The following WDPCP variants were observed in gnomAD, a reference collection of about 807,000 sequenced individuals.
WDPCP encodes WD repeat containing planar cell polarity effector, also known as WD repeat-containing and planar cell polarity effector protein fritz homolog.
In WDPCP, 71 loss-of-function variants were observed where a neutral mutation model predicts 93.1. The ratio of observed to expected loss-of-function variants is 0.76; its 90% CI spans 0.63 to 0.93. The LOEUF (loss-of-function observed/expected upper bound fraction) is 0.93, where lower values mean the gene tolerates loss of function less well. Ranked by LOEUF, WDPCP falls within the 40% of genes least tolerant of loss-of-function variation. The pLI, the probability that WDPCP is intolerant of heterozygous loss-of-function variation, is 0.00. For synonymous variants in WDPCP, 315 were observed against 315.0 expected, an observed-to-expected ratio of 1.00 and a Z score of 0.00; for missense variants, 844 against 887.4, an observed-to-expected ratio of 0.95 and a Z score of 0.62.
intron 2 of WDPCP, among the ~76,000 whole-genome samples, chr2:63,671,575 T>A (rs1028147016): frequency 6.6e-6 from 1 of 151,544 alleles, no homozygotes; most frequent in African/African-American, 2.4e-5. Flanking sequence ...TGACACGGAG[T>A]CTCACTCTGT....
chr2:63,242,979 C>A (rs181379332), intron 14 of WDPCP, among the ~76,000 whole-genome samples: 155 of 152,208 alleles, frequency 1.0e-3, no homozygotes, highest in African/African-American at 3.7e-3. Context: ...GCATGCCTTA[C>A]CAGTCCTGGA....
At chr2:63,299,482 A>G (rs951014649) in intron 13 of WDPCP, among the ~76,000 whole-genome samples, 1 of 152,182 alleles carries the variant, frequency 6.6e-6, no homozygotes, top group Admixed American at 6.5e-5. Flanking sequence ...CAGTTGTAAC[A>G]TAAGTGACAG....
intron 3 of WDPCP, among the ~76,000 whole-genome samples, chr2:63,487,038 T>C (rs1295043087): frequency 6.6e-6 from 1 of 152,048 alleles, no homozygotes; most frequent in Non-Finnish European, 1.5e-5. Flanking sequence ...ATAAAACTTC[T>C]GGGATTAGCA....
At position 63,484,597 on chromosome 2, in the gene WDPCP, A is replaced by C. The variant is rs1700453144; in HGVS notation, c.384+7T>G. 1 of 1,612,660 alleles carries C rather than the reference A, an allele frequency of 6.2e-7. No individual in the cohort carries two copies. On this transcript the variant is annotated splice_region_variant and intron_variant, in intron 6 of 17. Transcript: ENST00000272321. ...AAACACTGCAAAGGCTTGTCAAATC[A>C]TTTTACCTGACAGACATATTTGTTC...
chr2:63,786,977 G>A (rs1670476198), intron 2 of WDPCP, among the ~76,000 whole-genome samples: 1 of 152,156 alleles, frequency 6.6e-6, no homozygotes, highest in Admixed American at 6.6e-5. Context: ...ACGAATGACT[G>A]AGACAATATG....
chr2:63,123,061 A>C (rs1454535299), intron 17 of WDPCP, among the ~76,000 whole-genome samples: 1 of 151,822 alleles, frequency 6.6e-6, no homozygotes, highest in African/African-American at 2.4e-5. Context: ...AAAAAAAAAA[A>C]ACCTGGAAAA....
intron 14 of WDPCP, among the ~76,000 whole-genome samples, chr2:63,247,520 A>G (rs975054580): frequency 1.3e-5 from 2 of 152,174 alleles, no homozygotes; most frequent in African/African-American, 4.8e-5. Flanking sequence ...TTTACATTCC[A>G]TTGGTTCAAT....
chr2:63,405,403 T>C (rs919722648), intron 9 of WDPCP, among the ~76,000 whole-genome samples: 1 of 152,028 alleles, frequency 6.6e-6, no homozygotes, highest in African/African-American at 2.4e-5. Context: ...CACTTATAGG[T>C]GGATGTTTTT....
At chr2:63,544,291 C>G (rs1558784320) in intron 1 of WDPCP, among the ~76,000 whole-genome samples, 1 of 152,100 alleles carries the variant, frequency 6.6e-6, no homozygotes. Flanking sequence ...CCCCTACCAT[C>G]ACCACCATGA....
chr2:63,233,201 T>C (rs1017094761), intron 14 of WDPCP: 2 of 153,890 alleles, frequency 1.3e-5, no homozygotes, highest in Admixed American at 1.3e-4. Context: ...AGATCTTTTT[T>C]CACCGGTTTG....
chr2:63,832,021 T>C (rs1181791405), upstream of WDPCP, among the ~76,000 whole-genome samples: 1 of 152,222 alleles, frequency 6.6e-6, no homozygotes, highest in African/African-American at 2.4e-5. Context: ...AGACTACAAT[T>C]ATGGTATGAA....
chr2:63,637,303 G>A (rs1457987601), intron 3 of WDPCP, among the ~76,000 whole-genome samples: 2 of 150,408 alleles, frequency 1.3e-5, no homozygotes, highest in Admixed American at 6.7e-5. Context: ...AGTGAGCCGA[G>A]ATCATGCCAC....
chr2:63,325,746 C>T (rs527647993), intron 12 of WDPCP, among the ~76,000 whole-genome samples: 17 of 152,252 alleles, frequency 1.1e-4, no homozygotes, highest in African/African-American at 3.1e-4. Context: ...ATTAGCTACA[C>T]GAATATGGGG....
intron 6 of WDPCP, among the ~76,000 whole-genome samples, chr2:63,480,427 A>G (rs942130433): frequency 6.6e-6 from 1 of 152,166 alleles, no homozygotes; most frequent in Non-Finnish European, 1.5e-5. Context: ...CGCATAGCCA[A>G]AGCAAGACTA....
At chr2:63,159,551 T>G (rs1672510264) in intron 15 of WDPCP, among the ~76,000 whole-genome samples, 1 of 152,240 alleles carries the variant, frequency 6.6e-6, no homozygotes, top group Non-Finnish European at 1.5e-5. Flanking sequence ...TCCTGGACAT[T>G]TTGAGTATTT....
At chr2:63,283,948 G>C (rs933942385) in intron 13 of WDPCP, among the ~76,000 whole-genome samples, 6 of 152,104 alleles carry the variant, frequency 3.9e-5, no homozygotes, top group Non-Finnish European at 8.8e-5. Flanking sequence ...GGATTTATCA[G>C]TAAAGGCCAG....
intron 2 of WDPCP, among the ~76,000 whole-genome samples, chr2:63,692,589 CATT>C (rs1285028617): frequency 6.6e-6 from 1 of 152,134 alleles, no homozygotes; most frequent in Non-Finnish European, 1.5e-5. Flanking sequence ...ATTCAGCAAT[CATT>C]ATTTATTCAG....
intron 1 of WDPCP, among the ~76,000 whole-genome samples, chr2:63,572,361 A>C (rs1299658250): frequency 2.0e-5 from 3 of 152,114 alleles, no homozygotes; most frequent in Admixed American, 6.6e-5. Context: ...CCCAGATAAA[A>C]AGGGTATCCA....
intron 2 of WDPCP, 76 bp downstream of exon 2, chr2:63,492,780 C>T (rs1287735748): frequency 2.2e-6 from 3 of 1,367,404 alleles, no homozygotes; most frequent in African/African-American, 2.9e-5. Context: ...AATTCAGGCT[C>T]TAACCTTTGC....
Sources: allele counts gnomAD v4.1 joint callset (sites outside exome capture counted in the v4.1 genomes callset), GRCh38; gene constraint gnomAD v4.1.1; transcripts MANE v1.5; gene names NCBI Gene and HGNC (gene_info 2026-07-23, HGNC 2026-07-21).